Variants in NCOA7 observed in about 807,000 individuals in gnomAD.
The protein encoded by NCOA7 is nuclear receptor coactivator 7.
Under a neutral mutation model 104.3 loss-of-function variants are expected in NCOA7, and 45 were observed. That is an observed-to-expected ratio of 0.43 (90% confidence interval 0.34 to 0.55). The LOEUF is 0.55. Ranked by LOEUF, NCOA7 falls within the 20% of genes least tolerant of loss-of-function variation. The pLI is 0.02. For missense variants in NCOA7, 1,041 were observed against 1,119.7 expected, an observed-to-expected ratio of 0.93 and a Z score of 1.00; for synonymous variants, 398 against 402.3, an observed-to-expected ratio of 0.99 and a Z score of 0.13.
At chr6:125,797,567 C>T (rs892110312) in intron 1 of NCOA7, among the ~76,000 whole-genome samples, 2 of 152,172 alleles carry the variant, frequency 1.3e-5, no homozygotes, top group African/African-American at 2.4e-5. Flanking sequence ...ATTCTGGCCT[C>T]GCTACACAAA....
chr6:125,885,278 A>G lies in NCOA7; in HGVS notation c.819A>G (p.Glu273=). 6.2e-7 allele frequency: 1 copy of G among 1,613,970 alleles called. No individual in the cohort carries two copies. Among genetic ancestry groups the G allele is most frequent in the South Asian group, 1.1e-5 (1 of 91,080 alleles). ...AGTATGGTCTCATCTGCCCCATGGA[A>G]GAGGTTGTTTCCATTGCGCTCTACA... ...CEEYGLICPM[E]EVVSIALYND... The change falls in exon 8 of 16, where the codon GAA becomes GAG. Residue 273 remains glutamate (E), a synonymous_variant. Transcript: ENST00000392477.
At chr6:125,799,260 C>CT (rs145306935) in intron 1 of NCOA7, among the ~76,000 whole-genome samples, 5,420 of 152,070 alleles carry the variant, frequency 0.036, 290 homozygotes, top group African/African-American at 0.12. Flanking sequence ...CTTTGCTGTC[C>CT]TTGCTAGCTG....
intron 1 of NCOA7, among the ~76,000 whole-genome samples, chr6:125,812,627 C>T (rs562142897): frequency 6.6e-6 from 1 of 152,210 alleles, no homozygotes; most frequent in Non-Finnish European, 1.5e-5. Context: ...TTCCTTTCCT[C>T]TAGCCTTCAC....
intron 2 of NCOA7, among the ~76,000 whole-genome samples, chr6:125,828,570 G>A (rs1778864991): frequency 6.6e-6 from 1 of 152,170 alleles, no homozygotes; most frequent in African/African-American, 2.4e-5. Flanking sequence ...AGAGGAAGAG[G>A]AGGCATTAGA....
chr6:125,905,716 A>G (rs928051203), intron 10 of NCOA7, among the ~76,000 whole-genome samples: 12 of 152,250 alleles, frequency 7.9e-5, no homozygotes, highest in African/African-American at 2.2e-4. Context: ...TGTCAACAAT[A>G]CACTCTAAAG....
chr6:125,921,195 A>C, intron 12 of NCOA7, 127 bp downstream of exon 12: 1 of 1,264,816 alleles, frequency 7.9e-7, no homozygotes. Context: ...GGATCACTTG[A>C]GGTCAGGAGT....
At chr6:125,855,464 T>C in intron 3 of NCOA7, 2 of 455,686 alleles carry the variant, frequency 4.4e-6, no homozygotes, top group Non-Finnish European at 7.9e-6. Flanking sequence ...GTGCCCAGAA[T>C]GTATTGTGTA....
intron 10 of NCOA7, among the ~76,000 whole-genome samples, chr6:125,909,965 G>A (rs1786377735): frequency 6.6e-6 from 1 of 152,180 alleles, no homozygotes; most frequent in Non-Finnish European, 1.5e-5. Context: ...TAGAAGGAAG[G>A]AAGACTGGAG....
At chr6:125,902,957 T>TTGC (rs534649101) in intron 10 of NCOA7, among the ~76,000 whole-genome samples, 7 of 152,306 alleles carry the variant, frequency 4.6e-5, no homozygotes, top group South Asian at 2.1e-4. Context: ...TGAAAATTAG[T>TTGC]TGCTGCTGCT....
At chr6:125,788,994 G>A (rs1249423899), upstream of NCOA7, among the ~76,000 whole-genome samples, 2 of 152,108 alleles carry the variant, frequency 1.3e-5, no homozygotes, top group African/African-American at 2.4e-5. Flanking sequence ...ATAGTAAAAG[G>A]ATGAGAAACA....
Position 125,918,539 on chromosome 6 carries a change from A to C in NCOA7, c.2245-2404A>C, listed in dbSNP as rs930933334. 3.3e-5 allele frequency among the ~76,000 whole-genome samples: 5 copies of C among 152,240 alleles called. No individual in the cohort carries two copies. The South Asian group carries it at 1.0e-3, about 31-fold the overall frequency. On this transcript the variant is annotated intron_variant, in intron 11 of 15. Coordinates refer to ENST00000392477, the MANE Select transcript of NCOA7 (RefSeq NM_181782.5). ...TGAAAGGCCACTTCGGATCTGGAAG[A>C]ATCACAGAAATATCACTGAAAATTG...
chr6:125,878,491 A>G (rs1487970552), intron 5 of NCOA7, 121 bp downstream of exon 5: 1 of 625,342 alleles, frequency 1.6e-6, no homozygotes, highest in Non-Finnish European at 2.6e-6. Context: ...CTTTGGTTCA[A>G]TATTTTCTCT....
rs898115430 is a variant in NCOA7 at position 125,862,701 on chromosome 6, G to A, written c.271+7461G>A. Among the ~76,000 whole-genome samples, 7 of 137,192 alleles carry A rather than the reference G, an allele frequency of 5.1e-5. 1 individual carries two copies. The highest frequency in any genetic ancestry group is 1.1e-4 in the Non-Finnish European group (7 of 64,574). The allele number at this position is 137,192 out of a possible 152,430, so 90.0% of individuals were successfully genotyped here. A position where few individuals can be genotyped will look rare whatever the true frequency, so the allele number is the denominator to read the frequency against. ...TATTGACTTTTCCATTCACACTGTTGGCAAAAACTACTTTACCTGTGGCTA... is the reference window on the plus strand; with the variant it reads ...TATTGACTTTTCCATTCACACTGTTAGCAAAAACTACTTTACCTGTGGCTA... On this transcript the variant is annotated intron_variant, in intron 3 of 15. Transcript: ENST00000392477.
chr6:125,842,883 C>T (rs186027345), intron 2 of NCOA7, among the ~76,000 whole-genome samples: 3 of 152,144 alleles, frequency 2.0e-5, no homozygotes, highest in Non-Finnish European at 2.9e-5. Context: ...TATTGCTACT[C>T]ACTGCCAGTA....
At chr6:125,784,823 C>T (rs1774383230) in intron 1 of NCOA7, among the ~76,000 whole-genome samples, 1 of 152,208 alleles carries the variant, frequency 6.6e-6, no homozygotes, top group South Asian at 2.1e-4. Flanking sequence ...ATTTATATAG[C>T]ATTCTTGAAA....
intron 1 of NCOA7, among the ~76,000 whole-genome samples, chr6:125,799,913 C>T (rs1279252242): frequency 6.6e-6 from 1 of 152,176 alleles, no homozygotes; most frequent in East Asian, 1.9e-4. Context: ...CCCCTTTGCT[C>T]ATCCTTCTAT....
chr6:125,913,285 C>G (rs1460957096), intron 10 of NCOA7, among the ~76,000 whole-genome samples: 1 of 151,888 alleles, frequency 6.6e-6, no homozygotes, highest in African/African-American at 2.4e-5. Flanking sequence ...ATTGCAGTAT[C>G]AAGCCTGAAG....
At chr6:125,824,462 G>A (rs1407697165) in intron 2 of NCOA7, among the ~76,000 whole-genome samples, 5 of 152,088 alleles carry the variant, frequency 3.3e-5, no homozygotes, top group Admixed American at 3.3e-4. Flanking sequence ...TTATTGAGAG[G>A]ATTGAATGAA....
intron 1 of NCOA7, among the ~76,000 whole-genome samples, chr6:125,785,871 T>C (rs999873335): frequency 2.0e-5 from 3 of 152,216 alleles, no homozygotes; most frequent in African/African-American, 7.2e-5. Context: ...CAACAATCCA[T>C]GTCTATATAC....
Sources: gnomAD v4.1 joint callset for allele counts (sites outside exome capture counted in the v4.1 genomes callset) on GRCh38, gnomAD v4.1.1 for gene constraint, MANE v1.5 for transcripts, NCBI Gene and HGNC (gene_info 2026-07-23, HGNC 2026-07-21) for gene names.